Variants in DUSP15 observed in about 807,000 individuals in gnomAD.
DUSP15 encodes dual specificity protein phosphatase 15.
In DUSP15, 23 loss-of-function variants were observed where a neutral mutation model predicts 26.3. That is an observed-to-expected ratio of 0.87 (90% CI 0.63 to 1.24). The LOEUF (loss-of-function observed/expected upper bound fraction) is 1.24, where lower values mean the gene tolerates loss of function less well. DUSP15 is among the 50% of genes most tolerant of loss of function. DUSP15 has a pLI of 0.00. For synonymous variants in DUSP15, 143 were observed against 135.5 expected (o/e 1.06, Z -0.39); for missense variants, 364 against 320.6 (o/e 1.14, Z -1.03).
chr20:31,855,431 G>A (rs1218303664), intron 6 of DUSP15, among the ~76,000 whole-genome samples: 3 of 152,172 alleles, frequency 2.0e-5, no homozygotes, highest in Non-Finnish European at 2.9e-5. Context: ...TGTGTGGTGG[G>A]GGAAAGAGCA....
At chr20:31,846,442 T>TAGAGAGAGAGAG (rs71185371), downstream of DUSP15, among the ~76,000 whole-genome samples, 46 of 107,860 alleles carry the variant, frequency 4.3e-4, no homozygotes, top group African/African-American at 1.8e-3. Context: ...AAGGAATGAA[T>TAGAGAGAGAGAG]AGAGAGAGAG....
Position 31,870,162 on chromosome 20 carries a change from G to A in DUSP15, c.21+155C>T. The A allele has an allele frequency of 2.4e-6, 3 of 1,225,542 alleles. No homozygotes were observed. Among genetic ancestry groups the A allele is most frequent in the Non-Finnish European group, 2.0e-6 (2 of 983,394 alleles). The allele number at this position is 1,225,542 out of a possible 1,614,324, so 75.9% of individuals were successfully genotyped here. On this transcript the variant is annotated intron_variant, in intron 1 of 6. Coordinates refer to ENST00000339738, the MANE Select transcript of DUSP15 (RefSeq NM_080611.5). This position sits in a 1 kb window ranked among gnomAD's most constrained non-coding sequence, Gnocchi z 6.6. ...CGCAGGGTCAGAGAGGGGGAGACCC[G>A]ACAGCCGCGGTCTCGAGTCACAGGG...
chr20:31,864,395 T>C, intron 4 of DUSP15: 1 of 1,049,922 alleles, frequency 9.5e-7, no homozygotes, highest in Non-Finnish European at 1.1e-6. Flanking sequence ...GGGGCAGCAC[T>C]GTCTGCTTGG....
chr20:31,867,836 G>A (rs1001877266), intron 2 of DUSP15, among the ~76,000 whole-genome samples: 3 of 151,848 alleles, frequency 2.0e-5, no homozygotes, highest in Admixed American at 6.6e-5. Flanking sequence ...TAGTAGAGAC[G>A]GGGTTTCACC....
chr20:31,848,828 T>C (rs745905700), exon 9 of DUSP15: 31 of 1,612,000 alleles, frequency 1.9e-5, no homozygotes, highest in Non-Finnish European at 2.5e-5. Flanking sequence ...GAGCTGCTCC[T>C]TGGGGTGCTG....
chr20:31,857,524 T>C (rs1005375432), downstream of DUSP15, among the ~76,000 whole-genome samples: 2 of 152,198 alleles, frequency 1.3e-5, no homozygotes, highest in Admixed American at 6.5e-5. Context: ...CAACTCTTCA[T>C]GATGGCCTCA....
rs2062797175 is a variant in DUSP15, at chr20:31,867,631, G to GTTTTGTTTTTTTTT, written c.56-479_56-478insAAAAAAAAACAAAA. 8.8e-4 allele frequency among the ~76,000 whole-genome samples: 68 copies of GTTTTGTTTTTTTTT among 77,646 alleles called. 5 individuals carry two copies. The highest frequency in any genetic ancestry group is 3.6e-3 in the African/African-American group (66 of 18,326). The allele number at this position is 77,646 out of a possible 152,430, so 50.9% of individuals were successfully genotyped here. On this transcript the variant is annotated intron_variant, in intron 2 of 6. Coordinates refer to ENST00000339738, the MANE Select transcript of DUSP15 (RefSeq NM_080611.5). Reference sequence around the variant, plus strand: ...GCTGATGTGCAATGATGCCCACAATGTTTTTTTTTTTTTTTTTTTTTTTTT... The same window carrying GTTTTGTTTTTTTTT: ...GCTGATGTGCAATGATGCCCACAATGTTTTGTTTTTTTTTTTTTTTTTTTTTTTTTTTTTTTTTT...
Position 31,848,823 on chromosome 20 carries a change from G to A in DUSP15, c.709C>T (p.Gln237Ter), listed in dbSNP as rs2062412186. The change falls in exon 9 of 10, where the codon CAG becomes TAG. Residue 237 changes from glutamine (Q) to a stop codon, truncating the protein, a stop_gained. Coordinates refer to the DUSP15 transcript ENST00000278979. LOFTEE classifies it low-confidence loss of function (END_TRUNC). ...TGACTCACGTCCGCCATGATGAGCT[G>A]CTCCTTGGGGTGCTGTGTGGGGCCC... is the stretch of plus-strand genomic sequence containing the variant. 1 of 1,611,838 alleles carries A rather than the reference G, an allele frequency of 6.2e-7. No individual in the cohort carries two copies. The highest frequency in any genetic ancestry group is 1.3e-5 in the African/African-American group (1 of 74,818).
intron 6 of DUSP15, among the ~76,000 whole-genome samples, chr20:31,852,462 C>T (rs2062486093): frequency 6.6e-6 from 1 of 152,160 alleles, no homozygotes; most frequent in South Asian, 2.1e-4. Context: ...CCATTACCTC[C>T]AGGGGCAGGA....
At chr20:31,863,791 G>T in intron 5 of DUSP15, 116 bp downstream of exon 5, 1 of 1,029,510 alleles carries the variant, frequency 9.7e-7, no homozygotes, top group South Asian at 1.5e-5. Flanking sequence ...CAGGCACTGT[G>T]ACAGGCTGGA....
intron 6 of DUSP15, among the ~76,000 whole-genome samples, chr20:31,850,994 C>T (rs563321090): frequency 4.0e-4 from 61 of 152,300 alleles, no homozygotes; most frequent in Admixed American, 9.8e-4. Flanking sequence ...GAGGTCTGGG[C>T]GGACTGAAGG....
At chr20:31,845,902 G>A (rs978099939), downstream of DUSP15, among the ~76,000 whole-genome samples, 1 of 152,008 alleles carries the variant, frequency 6.6e-6, no homozygotes, top group Non-Finnish European at 1.5e-5. Context: ...TGAGACAGAG[G>A]CAGAAACATA....
At chr20:31,847,746 G>A (rs776839946) in exon 10 of DUSP15, 7 of 152,200 alleles carry the variant, frequency 4.6e-5, no homozygotes, top group Non-Finnish European at 1.0e-4. Flanking sequence ...GCAAAGACCA[G>A]TGGGGCTTGG....
chr20:31,850,033 T>C (rs912401902), intron 7 of DUSP15, among the ~76,000 whole-genome samples: 1 of 152,196 alleles, frequency 6.6e-6, no homozygotes, highest in African/African-American at 2.4e-5. Context: ...ATAAGAATTC[T>C]AGTAATAATA....
rs559642506 is a variant in DUSP15 at position 31,869,616 on chromosome 20, A to C, written c.22-19T>G. ...GAAGTACCTAGAGGAAGGACAGGCA[A>C]GGGTCAGTGGGGCAGGGGCTGCACC... is the stretch of plus-strand genomic sequence containing the variant. On this transcript the variant is annotated intron_variant, in intron 1 of 6. Transcript: ENST00000339738. 110 of 1,613,506 alleles carry C rather than the reference A, an allele frequency of 6.8e-5. 1 individual carries two copies. The East Asian group carries it at 2.4e-3, about 36-fold the overall frequency.
chr20:31,869,961 G>C, intron 1 of DUSP15: 1 of 1,354,608 alleles, frequency 7.4e-7, no homozygotes, highest in East Asian at 2.8e-5. Flanking sequence ...AGGCAGAGGC[G>C]GGACAGGATG....
chr20:31,865,856 A>G (rs1024379057), intron 3 of DUSP15, among the ~76,000 whole-genome samples: 1 of 152,124 alleles, frequency 6.6e-6, no homozygotes, highest in African/African-American at 2.4e-5. Flanking sequence ...GGGGAAGGAG[A>G]GATGCTTGGG....
At chr20:31,858,603 G>T (rs1184151039), downstream of DUSP15, among the ~76,000 whole-genome samples, 1 of 152,206 alleles carries the variant, frequency 6.6e-6, no homozygotes, top group Non-Finnish European at 1.5e-5. This position sits in a 1 kb window ranked among gnomAD's most constrained non-coding sequence, Gnocchi z 4.4. Context: ...CAAGACCCAC[G>T]CAAGTGGGGT....
chr20:31,862,158 T>G (rs2062674800), intron 6 of DUSP15, among the ~76,000 whole-genome samples: 1 of 152,134 alleles, frequency 6.6e-6, no homozygotes. Flanking sequence ...GCTTAGTTCC[T>G]GACATTTCTA....
Sources: gnomAD v4.1 joint callset for allele counts (sites outside exome capture counted in the v4.1 genomes callset) on GRCh38, gnomAD v4.1.1 for gene constraint, Gnocchi (gnomAD v3.1) non-coding constraint, MANE v1.5 for transcripts, NCBI Gene and HGNC (gene_info 2026-07-23, HGNC 2026-07-21) for gene names.